Variants in GRM8 observed in about 807,000 individuals in gnomAD.
GRM8 encodes glutamate metabotropic receptor 8.
A neutral mutation model predicts 87.2 loss-of-function variants in GRM8; 47 were observed. The observed-to-expected ratio is 0.54, with a 90% confidence interval of 0.43 to 0.69. GRM8 has a LOEUF of 0.69. GRM8 is among the 30% of genes least tolerant of loss of function. The pLI is 0.00. For missense variants in GRM8, 1,019 were observed against 1,139.2 expected (o/e 0.89, Z 1.52); for synonymous variants, 396 against 404.5 (o/e 0.98, Z 0.25).
At chr7:126,551,055 A>G (rs1428423391) in intron 8 of GRM8, among the ~76,000 whole-genome samples, 5 of 151,994 alleles carry the variant, frequency 3.3e-5, no homozygotes, top group African/African-American at 1.2e-4. Context: ...ACATAATATA[A>G]TATTGCTGTA....
At chr7:126,924,082 A>G (rs1250599466) in intron 3 of GRM8, among the ~76,000 whole-genome samples, 3 of 152,162 alleles carry the variant, frequency 2.0e-5, no homozygotes, top group African/African-American at 7.2e-5. Flanking sequence ...ACCTACATCT[A>G]GACTCCTTGC....
chr7:126,739,475 T>C (rs1330914739), intron 7 of GRM8, among the ~76,000 whole-genome samples: 1 of 151,958 alleles, frequency 6.6e-6, no homozygotes, highest in Non-Finnish European at 1.5e-5. Flanking sequence ...TAAATAAATA[T>C]GTTATATTCA....
chr7:126,453,263 G>A (rs559539725), intron 9 of GRM8, among the ~76,000 whole-genome samples: 3 of 151,900 alleles, frequency 2.0e-5, no homozygotes, highest in East Asian at 2.0e-4. Flanking sequence ...AGAAATCACA[G>A]TGCTGCTGAC....
intron 2 of GRM8, among the ~76,000 whole-genome samples, chr7:127,107,318 A>G (rs1825902809): frequency 6.6e-6 from 1 of 152,238 alleles, no homozygotes; most frequent in South Asian, 2.1e-4. Flanking sequence ...ATCCTCTCAT[A>G]GAAACATCAT....
intron 2 of GRM8, among the ~76,000 whole-genome samples, chr7:127,212,598 T>C (rs918884117): frequency 2.0e-5 from 3 of 151,906 alleles, no homozygotes; most frequent in Non-Finnish European, 4.4e-5. Context: ...TTTGTATTTT[T>C]AGTAGAGACG....
At chr7:127,121,772 C>T (rs1466977148) in intron 2 of GRM8, among the ~76,000 whole-genome samples, 7 of 152,110 alleles carry the variant, frequency 4.6e-5, no homozygotes, top group South Asian at 2.1e-4. Context: ...AATTCTATCA[C>T]GAGACAGCAC....
rs1001262179 is a variant in GRM8, at chr7:126,685,727, C to T, written c.1358-76229G>A. Among the ~76,000 whole-genome samples, 7 of 152,232 alleles carry T rather than the reference C, an allele frequency of 4.6e-5. No homozygotes were observed. Among genetic ancestry groups the T allele is most frequent in the African/African-American group, 1.4e-4 (6 of 41,556 alleles). On this transcript the variant is annotated intron_variant, in intron 7 of 10. Coordinates refer to ENST00000339582, the MANE Select transcript of GRM8 (RefSeq NM_000845.3). This position sits in a 1 kb window ranked among gnomAD's most constrained non-coding sequence, Gnocchi z 4.2. ...AGGGAGGCACAAGGGGTGCTGAGGA[C>T]AGCGGGGTACTGGCCTGCAGGCGCC... is the stretch of plus-strand genomic sequence containing the variant.
rs186168039 is a variant in GRM8 at position 126,507,261 on chromosome 7, T to C, written c.2430+25691A>G. On this transcript the variant is annotated intron_variant, in intron 9 of 10. Coordinates refer to ENST00000339582, the MANE Select transcript of GRM8 (RefSeq NM_000845.3). The stretch of plus-strand genomic sequence containing the variant: ...ATGATGTCAGAAGCCAGACAGCATG[T>C]CTTCAAATCCCAGCTCTGTCACTCA... Among the ~76,000 whole-genome samples, 370 of 152,258 alleles carry C rather than the reference T, an allele frequency of 2.4e-3. 2 individuals carry two copies. Among genetic ancestry groups the C allele is most frequent in the African/African-American group, 8.3e-3 (346 of 41,570 alleles).
intron 7 of GRM8, among the ~76,000 whole-genome samples, chr7:126,641,904 C>T (rs1467097501): frequency 2.6e-5 from 4 of 152,102 alleles, no homozygotes; most frequent in African/African-American, 9.7e-5. Flanking sequence ...AAAAAGAAAA[C>T]TTCTCCACAC....
rs376254689 is a variant in GRM8 at position 127,242,772 on chromosome 7, C to T, written c.433G>A (p.Asp145Asn). ...GCACCTATGACGCCAGAAATCTTGT[C>T]GGGCTTGGTGAAAATGGGTGGATCT... is the stretch of plus-strand genomic sequence containing the variant. ...NGDPPIFTKP[D>N]KISGVIGAAA... is the part of the protein sequence containing the mutation. Residue 145 changes from aspartate (D) to asparagine (N), a missense_variant, in exon 2 of 11, where the codon GAC becomes AAC. Transcript: ENST00000339582. 16 of 1,614,040 alleles carry T rather than the reference C, an allele frequency of 9.9e-6. No homozygotes were observed. Among genetic ancestry groups the T allele is most frequent in the Admixed American group, 3.3e-5 (2 of 59,996 alleles).
chr7:126,933,736 A>G (rs530652885), intron 3 of GRM8, among the ~76,000 whole-genome samples: 2 of 152,328 alleles, frequency 1.3e-5, no homozygotes, highest in Non-Finnish European at 2.9e-5. Flanking sequence ...CAACCAGTAC[A>G]TGTAAAGGAT....
chr7:126,847,035 A>T (rs761900410), intron 6 of GRM8, among the ~76,000 whole-genome samples: 3 of 152,234 alleles, frequency 2.0e-5, no homozygotes, highest in Admixed American at 6.5e-5. Context: ...AGCATTCTTT[A>T]TATTTTAAAA....
chr7:126,479,876 T>C (rs1279070793), intron 9 of GRM8, among the ~76,000 whole-genome samples: 1 of 152,064 alleles, frequency 6.6e-6, no homozygotes, highest in African/African-American at 2.4e-5. Context: ...ATCTCAGCAA[T>C]ATACAAGGTT....
At position 126,453,106 on chromosome 7, in the gene GRM8, CACACACAT is replaced by C. The variant is rs1393553289; in HGVS notation, c.2431-6742_2431-6735del. Among the ~76,000 whole-genome samples, 315 of 142,084 alleles carry C rather than the reference CACACACAT, an allele frequency of 2.2e-3. 2 individuals carry two copies. Among genetic ancestry groups the C allele is most frequent in the African/African-American group, 8.6e-3 (294 of 34,046 alleles). 93.2% of individuals were successfully genotyped at this position (142,084 alleles called of 152,430 possible). A position where few individuals can be genotyped will look rare whatever the true frequency, so the allele number is the denominator to read the frequency against. On this transcript the variant is annotated intron_variant, in intron 9 of 10. Coordinates refer to ENST00000339582, the MANE Select transcript of GRM8 (RefSeq NM_000845.3). ...ACACACACACACACACACACACACA[CACACACAT>C]ACAAGCAAAATGGTTTATTCATAAG...
intron 6 of GRM8, among the ~76,000 whole-genome samples, chr7:126,862,969 T>C (rs1798262453): frequency 6.6e-6 from 1 of 152,124 alleles, no homozygotes; most frequent in Non-Finnish European, 1.5e-5. Context: ...TACTTTGTGC[T>C]TCTTCTTGTA....
intron 3 of GRM8, among the ~76,000 whole-genome samples, chr7:126,917,126 C>T (rs576093888): frequency 1.3e-5 from 2 of 152,238 alleles, no homozygotes; most frequent in African/African-American, 4.8e-5. Context: ...CAGGTGTGTG[C>T]CACCATGCCT....
At chr7:126,969,552 A>G (rs949255180) in intron 3 of GRM8, among the ~76,000 whole-genome samples, 2 of 152,192 alleles carry the variant, frequency 1.3e-5, no homozygotes, top group African/African-American at 4.8e-5. Flanking sequence ...CAGTCACATC[A>G]TCAAATTCCA....
chr7:127,122,521 G>A (rs987365369), intron 2 of GRM8, among the ~76,000 whole-genome samples: 1 of 151,598 alleles, frequency 6.6e-6, no homozygotes, highest in African/African-American at 2.4e-5. Context: ...AGGCACGTCT[G>A]TCTTTTAAAA....
intron 8 of GRM8, among the ~76,000 whole-genome samples, chr7:126,582,341 T>C (rs996735291): frequency 3.3e-5 from 5 of 152,172 alleles, no homozygotes; most frequent in African/African-American, 4.8e-5. Flanking sequence ...TTTAAGTCTA[T>C]GAAAGCTGGC....
Sources: gnomAD v4.1 joint callset for allele counts (sites outside exome capture counted in the v4.1 genomes callset) on GRCh38, gnomAD v4.1.1 for gene constraint, Gnocchi (gnomAD v3.1) non-coding constraint, MANE v1.5 for transcripts, NCBI Gene and HGNC (gene_info 2026-07-23, HGNC 2026-07-21) for gene names.